The following MOCS1 variants were observed in gnomAD, a reference collection of about 807,000 sequenced individuals.
The protein encoded by MOCS1 is molybdenum cofactor biosynthesis protein 1.
In MOCS1, 39 loss-of-function variants were observed where a neutral mutation model predicts 57.6. The observed-to-expected ratio is 0.68, with a 90% confidence interval of 0.52 to 0.88. The LOEUF (loss-of-function observed/expected upper bound fraction) is 0.88. Among genes scored for constraint, MOCS1 ranks in the 40% least tolerant of loss-of-function variants. MOCS1 has a pLI of 0.00. For synonymous variants in MOCS1, 334 were observed against 335.7 expected (o/e 1.00, Z 0.05); for missense variants, 795 against 831.1 (o/e 0.96, Z 0.53).
At chr6:39,913,070 T>C in intron 6 of MOCS1, 66 bp from the exon 7 acceptor site, 1 of 1,277,204 alleles carries the variant, frequency 7.8e-7, no homozygotes, top group Non-Finnish European at 1.1e-6. Context: ...CCCGGGGTCT[T>C]TGAGTCCATC....
At chr6:39,921,733 G>A (rs951090875) in intron 3 of MOCS1, among the ~76,000 whole-genome samples, 3 of 151,472 alleles carry the variant, frequency 2.0e-5, no homozygotes, top group Non-Finnish European at 3.0e-5. Flanking sequence ...AGGAAAGAAG[G>A]AAGGAAAGAA....
intron 3 of MOCS1, among the ~76,000 whole-genome samples, chr6:39,924,162 T>A (rs1323024677): frequency 1.3e-5 from 2 of 152,226 alleles, no homozygotes; most frequent in Non-Finnish European, 2.9e-5. Context: ...GGGCATTTCA[T>A]TCTCATTCCC....
intron 3 of MOCS1, among the ~76,000 whole-genome samples, chr6:39,920,322 G>A (rs1294716420): frequency 6.6e-6 from 1 of 152,168 alleles, no homozygotes; most frequent in African/African-American, 2.4e-5. Context: ...TAGGGCGGGT[G>A]AAAGTGTATT....
chr6:39,925,595 G>T, intron 3 of MOCS1, 83 bp downstream of exon 3: 1 of 1,512,244 alleles, frequency 6.6e-7, no homozygotes, highest in Non-Finnish European at 9.2e-7. Context: ...ATGAATGTCA[G>T]CTGCCACTGT....
intron 8 of MOCS1, 28 bp downstream of exon 8, chr6:39,912,236 G>A (rs746768699): frequency 3.7e-5 from 56 of 1,518,946 alleles, no homozygotes; most frequent in Non-Finnish European, 4.7e-5. Flanking sequence ...AGGTGGCAAG[G>A]GGTCCCTGTG....
chr6:39,904,694 CT>C lies in MOCS1; in HGVS notation c.*1662del, dbSNP rs1461845396. On this transcript the variant is annotated 3_prime_UTR_variant, in exon 11 of 11. Coordinates refer to ENST00000340692, the MANE Select transcript of MOCS1 (RefSeq NM_001358530.2). Reference sequence around the variant, plus strand: ...CCACCAACTGGGGAACTGTGACTATCTATCTCCCCCGACTTCTACCAGGGAT... The same window carrying C: ...CCACCAACTGGGGAACTGTGACTATCATCTCCCCCGACTTCTACCAGGGAT... 2.2e-5 allele frequency: 10 copies of C among 444,674 alleles called. No homozygotes were observed. The highest frequency in any genetic ancestry group is 1.7e-4 in the Admixed American group (7 of 42,176). The allele number at this position is 444,674 out of a possible 1,614,324, so 27.5% of individuals were successfully genotyped here. A position where few individuals can be genotyped will look rare whatever the true frequency, so the allele number is the denominator to read the frequency against.
rs1766773127 is a variant in MOCS1, at chr6:39,905,096, TGGCATAG to T, written c.*1254_*1260del. The stretch of plus-strand genomic sequence containing the variant: ...TTGTTTAATATTTGCCAGCACACCT[TGGCATAG>T]GGCAGAGGGGAGGCAGGCAGGGGGC... On this transcript the variant is annotated 3_prime_UTR_variant, in exon 11 of 11. Coordinates refer to ENST00000340692, the MANE Select transcript of MOCS1 (RefSeq NM_001358530.2). The T allele has an allele frequency of 4.4e-6, 2 of 454,476 alleles. No individual in the cohort carries two copies. The highest frequency in any genetic ancestry group is 3.1e-5 in the South Asian group (2 of 64,482). 28.2% of individuals were successfully genotyped at this position (454,476 alleles called of 1,614,324 possible). A position where few individuals can be genotyped will look rare whatever the true frequency, so the allele number is the denominator to read the frequency against.
Position 39,923,436 on chromosome 6 carries a change from C to T in MOCS1, c.418+2242G>A, listed in dbSNP as rs77504104. Among the ~76,000 whole-genome samples the T allele has an allele frequency of 3.7e-3, 566 of 152,346 alleles. 6 individuals carry two copies. Among genetic ancestry groups the T allele is most frequent in the African/African-American group, 0.013 (541 of 41,594 alleles). On this transcript the variant is annotated intron_variant, in intron 3 of 10. Transcript: ENST00000340692. ...ATGCTGGGGTTTCCCGGGAGAGCCC[C>T]GAGTCCTCATACCAGTGCTCAGCCA... is the stretch of plus-strand genomic sequence containing the variant.
chr6:39,914,620 C>T (rs927426669), intron 4 of MOCS1, among the ~76,000 whole-genome samples: 1 of 152,224 alleles, frequency 6.6e-6, no homozygotes, highest in South Asian at 2.1e-4. Flanking sequence ...CCAGCCTGCA[C>T]AGCCTGGGTG....
intron 3 of MOCS1, among the ~76,000 whole-genome samples, chr6:39,919,947 A>G (rs1465048309): frequency 1.3e-5 from 2 of 152,198 alleles, no homozygotes; most frequent in East Asian, 1.9e-4. Flanking sequence ...TAACCATAAA[A>G]GAAAAAAACG....
rs1192644051 is a variant in MOCS1, at chr6:39,905,689, G to A, written c.*668C>T. On this transcript the variant is annotated 3_prime_UTR_variant, in exon 11 of 11. Transcript: ENST00000340692. ...TCTGGCAGGAGTCCTTAGGGCTATGGCCCATGTGTGCACATCCTGTTTCAG... is the reference window on the plus strand; with the variant it reads ...TCTGGCAGGAGTCCTTAGGGCTATGACCCATGTGTGCACATCCTGTTTCAG... 2.1e-6 allele frequency: 1 copy of A among 471,202 alleles called. No homozygotes were observed. The highest frequency in any genetic ancestry group is 1.5e-5 in the South Asian group (1 of 64,564). 29.2% of individuals were successfully genotyped at this position (471,202 alleles called of 1,614,324 possible). A position where few individuals can be genotyped will look rare whatever the true frequency, so the allele number is the denominator to read the frequency against.
intron 10 of MOCS1, 126 bp downstream of exon 10, chr6:39,908,929 A>T: frequency 1.2e-6 from 1 of 829,732 alleles, no homozygotes; most frequent in Non-Finnish European, 2.1e-6. Context: ...AAGGAGGAAT[A>T]GAAGAAAAAC....
chr6:39,911,857 A>T (rs1445815602), intron 8 of MOCS1, among the ~76,000 whole-genome samples: 1 of 152,184 alleles, frequency 6.6e-6, no homozygotes, highest in Non-Finnish European at 1.5e-5. Context: ...GACATCCCCC[A>T]CAGGGACGAA....
intron 8 of MOCS1, 29 bp downstream of exon 8, chr6:39,912,234 AG>A (rs1213935185): frequency 4.6e-6 from 7 of 1,514,222 alleles, no homozygotes; most frequent in Non-Finnish European, 6.4e-6. Context: ...AGAGGTGGCA[AG>A]GGGTCCCTGT....
intron 4 of MOCS1, 122 bp from the exon 5 acceptor site, chr6:39,913,957 A>G (rs991682779): frequency 3.0e-6 from 3 of 997,216 alleles, no homozygotes; most frequent in Middle Eastern, 2.0e-4. Context: ...AAAACAGGCC[A>G]GAGTAATATC....
Position 39,905,790 on chromosome 6 carries a change from C to A in MOCS1, c.*567G>T. 6.4e-6 allele frequency: 3 copies of A among 471,064 alleles called. No individual in the cohort carries two copies. The highest frequency in any genetic ancestry group is 1.3e-5 in the Non-Finnish European group (3 of 227,070). The allele number at this position is 471,064 out of a possible 1,614,324, so 29.2% of individuals were successfully genotyped here. On this transcript the variant is annotated 3_prime_UTR_variant, in exon 11 of 11. Coordinates refer to ENST00000340692, the MANE Select transcript of MOCS1 (RefSeq NM_001358530.2). ...CTGAAAGGCTGCAAGTCTGATGGGA[C>A]ACAGACTTGGGCAGAAGGAGAGATG... is the stretch of plus-strand genomic sequence containing the variant.
rs774068685 is a variant in MOCS1, at chr6:39,906,799, C to T, written c.1469G>A (p.Arg490Gln). 93 of 1,614,186 alleles carry T rather than the reference C, an allele frequency of 5.8e-5. No homozygotes were observed. The highest frequency in any genetic ancestry group is 9.9e-5 in the South Asian group (9 of 91,068). Residue 490 changes from arginine to glutamine, a missense_variant, in exon 11 of 11, where the codon CGG becomes CAG. By Grantham distance (43) the Arg-to-Gln change is conservative. Around this residue, in one of 3 missense-constraint regions of MOCS1, gnomAD observed 374 missense variants for 422.6 expected, o/e 0.89. Coordinates refer to ENST00000340692, the MANE Select transcript of MOCS1 (RefSeq NM_001358530.2). ...EQLTHVDSEG[R>Q]AAMVDVGRKP... ...CCTGCCCACATCTACCATAGCTGCC[C>T]GTCCTTCCGAGTCCACATGAGTTAG... is the stretch of plus-strand genomic sequence containing the variant.
At chr6:39,932,517 G>A (rs1768694261) in intron 1 of MOCS1, 1 of 152,236 alleles carries the variant, frequency 6.6e-6, no homozygotes, top group Admixed American at 6.5e-5. Context: ...TAAGTTTCAA[G>A]CAGCTACAAT....
Position 39,925,558 on chromosome 6 carries a change from T to C in MOCS1, c.418+120A>G, listed in dbSNP as rs115463096. The C allele has an allele frequency of 9.1e-3, 10,725 of 1,181,710 alleles. 68 individuals carry two copies. Among genetic ancestry groups the C allele is most frequent in the Middle Eastern group, 0.017 (84 of 5,026 alleles). 73.2% of individuals were successfully genotyped at this position (1,181,710 alleles called of 1,614,324 possible). A position where few individuals can be genotyped will look rare whatever the true frequency, so the allele number is the denominator to read the frequency against. ...ATAGCACCTGTCTCAGCAGGTGTTG[T>C]AGGACCAAGAGAGTGTCATGTGCTA... On this transcript the variant is annotated intron_variant, in intron 3 of 10. Coordinates refer to ENST00000340692, the MANE Select transcript of MOCS1 (RefSeq NM_001358530.2).
Sources: allele counts gnomAD v4.1 joint callset (sites outside exome capture counted in the v4.1 genomes callset), GRCh38; gene constraint gnomAD v4.1.1; regional missense constraint gnomAD v4.1.1; transcripts MANE v1.5; gene names NCBI Gene and HGNC (gene_info 2026-07-23, HGNC 2026-07-21).